The following GTF2H1 variants were observed in gnomAD, a reference collection of about 807,000 sequenced individuals.
GTF2H1 encodes the protein general transcription factor IIH subunit 1, also known as BTF2 p62.
Under a neutral mutation model 71.2 loss-of-function variants are expected in GTF2H1, and 16 were observed. The observed-to-expected ratio is 0.22, with a 90% confidence interval of 0.15 to 0.34. The LOEUF is 0.34. GTF2H1 is among the 10% of genes least tolerant of loss of function. GTF2H1 has a pLI of 1.00. For synonymous variants in GTF2H1, 215 were observed against 219.0 expected, an observed-to-expected ratio of 0.98 and a Z score of 0.16; for missense variants, 498 against 648.2, an observed-to-expected ratio of 0.77 and a Z score of 2.52.
intron 3 of GTF2H1, among the ~76,000 whole-genome samples, chr11:18,336,658 GTCACA>G (rs1865035466): frequency 6.6e-6 from 1 of 152,092 alleles, no homozygotes; most frequent in Non-Finnish European, 1.5e-5. Context: ...CCAGTTCTCT[GTCACA>G]GAGAAGATGC....
chr11:18,341,850 C>T (rs1290462542), intron 7 of GTF2H1: 3 of 345,336 alleles, frequency 8.7e-6, no homozygotes, highest in South Asian at 4.1e-5. Context: ...CTCCCTCATC[C>T]GCAGTTCTCT....
intron 14 of GTF2H1, among the ~76,000 whole-genome samples, chr11:18,362,054 A>T (rs183873596): frequency 6.6e-6 from 1 of 152,330 alleles, no homozygotes; most frequent in African/African-American, 2.4e-5. Flanking sequence ...TCATTGACAG[A>T]CAGTTTTGTT....
chr11:18,339,904 C>G (rs1865117456), intron 5 of GTF2H1, among the ~76,000 whole-genome samples: 1 of 152,166 alleles, frequency 6.6e-6, no homozygotes, highest in Non-Finnish European at 1.5e-5. Flanking sequence ...CATTCTGCAT[C>G]CAGAGTGACC....
At position 18,341,453 on chromosome 11, in the gene GTF2H1, C is replaced by T. The variant is rs1475666718; in HGVS notation, c.757+43C>T. 7 of 1,608,562 alleles carry T rather than the reference C, an allele frequency of 4.4e-6. No homozygotes were observed. The Middle Eastern group carries it at 5.0e-4, about 114-fold the overall frequency. On this transcript the variant is annotated intron_variant, in intron 6 of 14. Transcript: ENST00000265963. ...ATAGACACTGGTATTTAACTTGCCA[C>T]CCTCTAGACATTATAAGTGTTAATT...
intron 7 of GTF2H1, 87 bp downstream of exon 7, chr11:18,341,694 TG>T (rs1381512998): frequency 1.3e-6 from 1 of 778,782 alleles, no homozygotes; most frequent in Admixed American, 2.7e-5. Context: ...CTATTCCACT[TG>T]TGAGAATGTC....
Position 18,335,863 on chromosome 11 carries a change from G to A in GTF2H1, c.264G>A (p.Glu88=), listed in dbSNP as rs750587166. The part of the protein sequence containing the change: ...HFSNESTAVK[E]RDAVKDLLQQ... ...CCAATGAAAGCACAGCAGTGAAAGA[G>A]CGAGATGCAGTAAAAGACCTTCTTC... The change falls in exon 3 of 15, where the codon GAG becomes GAA. Residue 88 remains glutamate, a synonymous_variant. Transcript: ENST00000265963. 42 of 1,613,968 alleles carry A rather than the reference G, an allele frequency of 2.6e-5. No individual in the cohort carries two copies. Among genetic ancestry groups the A allele is most frequent in the Non-Finnish European group, 3.4e-5 (40 of 1,179,958 alleles).
intron 2 of GTF2H1, among the ~76,000 whole-genome samples, chr11:18,335,284 G>A (rs957501943): frequency 6.6e-6 from 1 of 152,184 alleles, no homozygotes; most frequent in Non-Finnish European, 1.5e-5. Context: ...CTTTATTAAA[G>A]TGGTGACACC....
chr11:18,330,270 C>T (rs1464959618), intron 1 of GTF2H1, among the ~76,000 whole-genome samples: 1 of 152,050 alleles, frequency 6.6e-6, no homozygotes, highest in African/African-American at 2.4e-5. Flanking sequence ...GACTTCATGT[C>T]GTGGGTAGCA....
rs60286531 is a variant in GTF2H1 at position 18,364,303 on chromosome 11, A to G, written c.1561-1480A>G. 1.8e-3 allele frequency among the ~76,000 whole-genome samples: 270 copies of G among 152,306 alleles called. 1 individual carries two copies. The highest frequency in any genetic ancestry group is 6.0e-3 in the African/African-American group (249 of 41,568). ...CTCAGACCTAAACATTGACATGCCA[A>G]AGGAATTTAGGACTTCCTGATCTCC... On this transcript the variant is annotated intron_variant, in intron 14 of 14. Transcript: ENST00000265963.
chr11:18,327,375 A>G (rs1864792021), intron 1 of GTF2H1, among the ~76,000 whole-genome samples: 1 of 152,154 alleles, frequency 6.6e-6, no homozygotes, highest in Non-Finnish European at 1.5e-5. Context: ...CTTCATTCGC[A>G]TATATTTTCA....
chr11:18,349,552 G>A (rs780245232), intron 9 of GTF2H1, among the ~76,000 whole-genome samples: 43 of 152,154 alleles, frequency 2.8e-4, no homozygotes, highest in Non-Finnish European at 5.6e-4. Context: ...GCATGGTGAC[G>A]TGCGCCTGTA....
intron 9 of GTF2H1, chr11:18,351,631 A>G (rs1000645727): frequency 1.5e-5 from 4 of 259,874 alleles, no homozygotes; most frequent in African/African-American, 8.8e-5. Context: ...GTAAACTTTC[A>G]CCTACCAGAT....
intron 9 of GTF2H1, 81 bp from the exon 10 acceptor site, chr11:18,351,800 T>C: frequency 1.3e-6 from 1 of 749,906 alleles, no homozygotes; most frequent in Middle Eastern, 2.5e-4. Flanking sequence ...TTACCCTCTG[T>C]ACAGTTTTGT....
At chr11:18,363,053 C>T (rs896926902) in intron 14 of GTF2H1, among the ~76,000 whole-genome samples, 14 of 152,092 alleles carry the variant, frequency 9.2e-5, no homozygotes, top group Admixed American at 8.5e-4. Flanking sequence ...TAGGCCTACA[C>T]AGAGTCAGGA....
chr11:18,332,021 T>A (rs1157508521), intron 1 of GTF2H1, among the ~76,000 whole-genome samples: 1 of 152,154 alleles, frequency 6.6e-6, no homozygotes, highest in Non-Finnish European at 1.5e-5. Flanking sequence ...AGACGGGGTC[T>A]CACTTTGTTG....
intron 14 of GTF2H1, 39 bp from the exon 15 acceptor site, chr11:18,365,744 C>A: frequency 7.1e-7 from 1 of 1,406,944 alleles, no homozygotes; most frequent in Non-Finnish European, 1.0e-6. Context: ...ACTTCCCCTG[C>A]TTTTGCCCAG....
intron 7 of GTF2H1, among the ~76,000 whole-genome samples, chr11:18,342,892 T>C (rs1865194688): frequency 1.3e-5 from 2 of 152,146 alleles, no homozygotes; most frequent in South Asian, 4.1e-4. Flanking sequence ...TTCTAACATT[T>C]CTAGGCCCTG....
At chr11:18,362,221 C>G (rs1047743791) in intron 14 of GTF2H1, among the ~76,000 whole-genome samples, 13 of 152,252 alleles carry the variant, frequency 8.5e-5, no homozygotes, top group Middle Eastern at 3.4e-3. Context: ...ATGTGTGTAT[C>G]TAAACATAGA....
chr11:18,323,727 G>A (rs1864651792), intron 1 of GTF2H1, among the ~76,000 whole-genome samples: 1 of 152,132 alleles, frequency 6.6e-6, no homozygotes, highest in Non-Finnish European at 1.5e-5. Flanking sequence ...AGCATGCTCT[G>A]GTGGAACTAA....
Sources: gnomAD v4.1 joint callset for allele counts (sites outside exome capture counted in the v4.1 genomes callset) on GRCh38, gnomAD v4.1.1 for gene constraint, MANE v1.5 for transcripts, NCBI Gene and HGNC (gene_info 2026-07-23, HGNC 2026-07-21) for gene names.